The following HOXB3 variants were observed in gnomAD, a reference collection of about 807,000 sequenced individuals.
The protein encoded by HOXB3 is homeobox B3, also known as homeobox protein Hox-B3.
HOXB3 carries 17 observed loss-of-function variants against 29.2 expected under a neutral mutation model. The observed-to-expected ratio is 0.58, with a 90% CI of 0.40 to 0.87. The LOEUF is 0.87. Ranked by LOEUF, HOXB3 falls within the 40% of genes least tolerant of loss-of-function variation. HOXB3 has a pLI of 0.00. For missense variants in HOXB3, 637 were observed against 616.3 expected (o/e 1.03, Z -0.35); for synonymous variants, 317 against 285.9 (o/e 1.11, Z -1.10).
intron 2 of HOXB3, among the ~76,000 whole-genome samples, chr17:48,569,141 G>GAGCCT (rs1213561885): frequency 6.6e-6 from 1 of 151,652 alleles, no homozygotes; most frequent in East Asian, 1.9e-4. Context: ...CAGGGAGACC[G>GAGCCT]AGCCTGCGAT....
At chr17:48,572,869 A>C (rs2555110) in intron 2 of HOXB3, among the ~76,000 whole-genome samples, 1 of 152,090 alleles carries the variant, frequency 6.6e-6, no homozygotes, top group South Asian at 2.1e-4. Context: ...AAATGCCAAC[A>C]CAATGTCCAG....
At chr17:48,574,583 C>T (rs2069700497) in intron 1 of HOXB3, 1 of 152,148 alleles carries the variant, frequency 6.6e-6, no homozygotes, top group South Asian at 2.1e-4. Flanking sequence ...TATGCTCTCC[C>T]GAGCCCCGAG....
rs1053290168 is a variant in HOXB3 at position 48,549,389 on chromosome 17, A to G, written c.*945T>C. On this transcript the variant is annotated 3_prime_UTR_variant, in exon 5 of 5. Transcript: ENST00000498678. ...CATTAAAATGTAAATTCTAAGTGCAACAAAAGTGTCCTGTCAGGAGGCTGA... is the reference window on the plus strand; with the variant it reads ...CATTAAAATGTAAATTCTAAGTGCAGCAAAAGTGTCCTGTCAGGAGGCTGA... 1 of 152,660 alleles carries G rather than the reference A, an allele frequency of 6.6e-6. No individual in the cohort carries two copies. Among genetic ancestry groups the G allele is most frequent in the African/African-American group, 2.4e-5 (1 of 41,450 alleles). 9.5% of individuals were successfully genotyped at this position (152,660 alleles called of 1,614,324 possible). A position where few individuals can be genotyped will look rare whatever the true frequency, so the allele number is the denominator to read the frequency against.
chr17:48,562,408 G>GCC (rs2069230261), intron 2 of HOXB3, among the ~76,000 whole-genome samples: 1 of 152,002 alleles, frequency 6.6e-6, no homozygotes, highest in South Asian at 2.1e-4. Flanking sequence ...AAAGTTCCAC[G>GCC]CTCTGCTGTG....
chr17:48,579,966 T>A (rs574837970), intron 1 of HOXB3: 45 of 510,554 alleles, frequency 8.8e-5, no homozygotes, highest in South Asian at 6.8e-4. Flanking sequence ...CCAGAAATTT[T>A]CCAGTTCTCC....
intron 1 of HOXB3, among the ~76,000 whole-genome samples, chr17:48,589,704 C>T (rs1346718747): frequency 6.6e-6 from 1 of 152,168 alleles, no homozygotes; most frequent in African/African-American, 2.4e-5. Flanking sequence ...GGTGCACCCC[C>T]ACACACCTCC....
Position 48,577,073 on chromosome 17 carries a change from A to G in HOXB3, c.-424-3059T>C, listed in dbSNP as rs79154089. The G allele has an allele frequency of 4.5e-3, 6,775 of 1,489,154 alleles. 244 individuals carry two copies. The African/African-American group carries it at 0.083, about 18-fold the overall frequency. The allele number at this position is 1,489,154 out of a possible 1,614,324, so 92.2% of individuals were successfully genotyped here. On this transcript the variant is annotated intron_variant, in intron 1 of 4. Transcript: ENST00000498678. ...GAGAAAGTTTTATTGCCCCCGAAAG[A>G]GAGAGTCCTTTCTTCCAGGGAACAC...
In HOXB3 at chr17:48,578,568, C is replaced by T. The variant is rs8075451; in HGVS notation, c.-424-4554G>A. On this transcript the variant is annotated intron_variant, in intron 1 of 4. Transcript: ENST00000498678. ...CCCTCCCCACCCACCCACCCAACACCAGGATTTACATAGGGCTCCTGCGGG... is the reference window on the plus strand; with the variant it reads ...CCCTCCCCACCCACCCACCCAACACTAGGATTTACATAGGGCTCCTGCGGG... 8.6e-3 allele frequency: 3,997 copies of T among 462,530 alleles called. 125 individuals carry two copies. Among genetic ancestry groups the T allele is most frequent in the African/African-American group, 0.077 (3,575 of 46,436 alleles). The allele number at this position is 462,530 out of a possible 1,614,324, so 28.7% of individuals were successfully genotyped here.
intron 1 of HOXB3, chr17:48,578,293 G>C: frequency 6.2e-7 from 1 of 1,611,210 alleles, no homozygotes; most frequent in Non-Finnish European, 8.5e-7. Context: ...CATAGTTTGA[G>C]TTGATCAAAA....
At position 48,586,167 on chromosome 17, in the gene HOXB3, C is replaced by T. The variant is rs1233595976; in HGVS notation, c.-425+3958G>A. ...ACTGCAGAGAGTGCATTTTTCTCTC[C>T]AAGAGGAACTTTAGGGGGAGAAGAG... On this transcript the variant is annotated intron_variant, in intron 1 of 4. Transcript: ENST00000498678. Among the ~76,000 whole-genome samples the T allele has an allele frequency of 2.0e-5, 3 of 152,182 alleles. 1 individual carries two copies. The highest frequency in any genetic ancestry group is 2.1e-4 in the South Asian group (1 of 4,830).
At chr17:48,568,509 GA>G (rs1325049577) in intron 2 of HOXB3, among the ~76,000 whole-genome samples, 1 of 152,138 alleles carries the variant, frequency 6.6e-6, no homozygotes, top group Non-Finnish European at 1.5e-5. Context: ...AAGTGCCTCC[GA>G]GAGCGACTCT....
rs201674142 is a variant in HOXB3 at position 48,550,835 on chromosome 17, G to C, written c.795C>G (p.Pro265=). 2 of 1,613,814 alleles carry C rather than the reference G, an allele frequency of 1.2e-6. No homozygotes were observed. Among genetic ancestry groups the C allele is most frequent in the African/African-American group, 2.7e-5 (2 of 74,962 alleles). Residue 265 remains proline, a synonymous_variant, in exon 5 of 5, where the codon CCC becomes CCG. Coordinates refer to ENST00000498678, the MANE Select transcript of HOXB3 (RefSeq NM_001384749.1). The part of the protein sequence containing the change: ...SSGGPSPAGS[P]PQPMQSTAGF... ...CGGCCGTGGACTGCATGGGCTGCGG[G>C]GGGCTGCCGGCTGGAGATGGGCCCC... is the stretch of plus-strand genomic sequence containing the variant.
intron 2 of HOXB3, among the ~76,000 whole-genome samples, chr17:48,567,547 A>T (rs2069431801): frequency 6.6e-6 from 1 of 152,162 alleles, no homozygotes; most frequent in Non-Finnish European, 1.5e-5. Context: ...CTTGACCAGC[A>T]GCCTCTCCCC....
Position 48,552,521 on chromosome 17 carries a change from T to A in HOXB3, c.-47A>T, listed in dbSNP as rs372742766. The A allele has an allele frequency of 1.2e-5, 18 of 1,459,966 alleles. No homozygotes were observed. The highest frequency in any genetic ancestry group is 6.1e-5 in the Admixed American group (3 of 48,980). 90.4% of individuals were successfully genotyped at this position (1,459,966 alleles called of 1,614,324 possible). A position where few individuals can be genotyped will look rare whatever the true frequency, so the allele number is the denominator to read the frequency against. ...TGGGTGGCAACTTGGAAAGGCCTGA[T>A]ACCCTCAGGACCGGACATTGGCAAC... On this transcript the variant is annotated 5_prime_UTR_variant, in exon 4 of 5. Coordinates refer to ENST00000498678, the MANE Select transcript of HOXB3 (RefSeq NM_001384749.1).
At chr17:48,581,068 A>G (rs1255812333) in intron 1 of HOXB3, 2 of 152,130 alleles carry the variant, frequency 1.3e-5, no homozygotes, top group African/African-American at 4.8e-5. Context: ...AAGTCAAAAT[A>G]ATATCAATTT....
intron 2 of HOXB3, among the ~76,000 whole-genome samples, chr17:48,571,434 C>T (rs529100187): frequency 2.6e-5 from 4 of 152,196 alleles, no homozygotes; most frequent in African/African-American, 7.2e-5. Context: ...TGGGGAGGGC[C>T]GAGGGAACTG....
chr17:48,560,568 G>A (rs2069156285), intron 2 of HOXB3, among the ~76,000 whole-genome samples: 1 of 152,078 alleles, frequency 6.6e-6, no homozygotes, highest in Non-Finnish European at 1.5e-5. Flanking sequence ...CACTTCCCAA[G>A]GCAGCCTGGA....
At position 48,550,295 on chromosome 17, in the gene HOXB3, C is replaced by G. The variant is rs750871349; in HGVS notation, c.*39G>C. The G allele has an allele frequency of 6.2e-7, 1 of 1,612,474 alleles. No individual in the cohort carries two copies. The highest frequency in any genetic ancestry group is 1.7e-5 in the Admixed American group (1 of 59,996). On this transcript the variant is annotated 3_prime_UTR_variant, in exon 5 of 5. Transcript: ENST00000498678. ...CCCCCCAGAGCTCCACAGTCTCTCT[C>G]TTCCTCCCCATCCCCTAATCCTCGT... is the stretch of plus-strand genomic sequence containing the variant.
chr17:48,578,134 C>G (rs1328022799), intron 1 of HOXB3: 1 of 1,545,230 alleles, frequency 6.5e-7, no homozygotes, highest in South Asian at 1.2e-5. Flanking sequence ...CGTAGCGCTG[C>G]ACGGTGCACG....
Sources: allele counts gnomAD v4.1 joint callset (sites outside exome capture counted in the v4.1 genomes callset), GRCh38; gene constraint gnomAD v4.1.1; transcripts MANE v1.5; gene names NCBI Gene and HGNC (gene_info 2026-07-23, HGNC 2026-07-21).